Variants in NHSL1 observed in about 807,000 individuals in gnomAD.
The protein encoded by NHSL1 is NHS-like protein 1.
NHSL1 carries 48 observed loss-of-function variants against 95.0 expected under a neutral mutation model. That is an observed-to-expected ratio of 0.51 (90% CI 0.40 to 0.64). The LOEUF (loss-of-function observed/expected upper bound fraction) is 0.64. NHSL1 is among the 30% of genes least tolerant of loss of function. The pLI is 0.00. For missense variants in NHSL1, 1,971 were observed against 2,077.7 expected (o/e 0.95, Z 1.00); for synonymous variants, 783 against 833.9 (o/e 0.94, Z 1.05).
At chr6:138,633,909 C>A (rs1325378888) in intron 1 of NHSL1, among the ~76,000 whole-genome samples, 1 of 152,028 alleles carries the variant, frequency 6.6e-6, no homozygotes. Context: ...TAAATAGAAA[C>A]AACAAACAGT....
intron 1 of NHSL1, chr6:138,650,601 T>G: frequency 1.7e-6 from 1 of 586,156 alleles, no homozygotes; most frequent in Non-Finnish European, 3.4e-6. Flanking sequence ...CCCTTCCTCT[T>G]TGAAAAGCTT....
rs971439518 is a variant in NHSL1, at chr6:138,657,610, G to A, written c.96+34866C>T. Among the ~76,000 whole-genome samples the A allele has an allele frequency of 2.0e-5, 3 of 151,800 alleles. No homozygotes were observed. The East Asian group carries it at 5.8e-4, about 29-fold the overall frequency. On this transcript the variant is annotated intron_variant, in intron 1 of 3. Coordinates refer to the NHSL1 transcript ENST00000491526. Reference sequence around the variant, plus strand: ...AGGCGGATCACGAGGTCAGGAGATCGAGACCATCCTGGCTAACACGGTGAA... The same window carrying A: ...AGGCGGATCACGAGGTCAGGAGATCAAGACCATCCTGGCTAACACGGTGAA...
chr6:138,556,797 A>G (rs1350856267), intron 1 of NHSL1, among the ~76,000 whole-genome samples: 1 of 152,142 alleles, frequency 6.6e-6, no homozygotes, highest in Non-Finnish European at 1.5e-5. Context: ...AAGTGGTTTT[A>G]AATAATTGAA....
intron 4 of NHSL1, among the ~76,000 whole-genome samples, chr6:138,444,056 G>C (rs1030223066): frequency 1.3e-5 from 2 of 152,128 alleles, no homozygotes; most frequent in African/African-American, 2.4e-5. Flanking sequence ...TGTGATGCAT[G>C]TACTTTAGCA....
rs202084783 is a variant in NHSL1 at position 138,611,782 on chromosome 6, CT to C, written c.96+80693del. ...AAAAATAAAAATAAAAAAATAAAGG[CT>C]GCCTAAAGACCTAGAAATAAATGCG... On this transcript the variant is annotated intron_variant, in intron 1 of 3. Transcript: ENST00000491526. Among the ~76,000 whole-genome samples, 1,490 of 151,266 alleles carry C rather than the reference CT, an allele frequency of 9.9e-3. 27 individuals carry two copies. Among genetic ancestry groups the C allele is most frequent in the African/African-American group, 0.033 (1,377 of 41,236 alleles).
At chr6:138,677,220 A>C (rs1362995796) in intron 1 of NHSL1, among the ~76,000 whole-genome samples, 1 of 152,188 alleles carries the variant, frequency 6.6e-6, no homozygotes, top group Non-Finnish European at 1.5e-5. Flanking sequence ...TGTCTGCCTC[A>C]AGTTTTCCTA....
At chr6:138,594,413 A>G (rs533552426) in intron 1 of NHSL1, among the ~76,000 whole-genome samples, 6 of 152,232 alleles carry the variant, frequency 3.9e-5, no homozygotes, top group African/African-American at 1.2e-4. Context: ...CCCCGGCTCT[A>G]AGCAAAAACA....
rs545131536 is a variant in NHSL1, at chr6:138,489,777, A to G, written c.211+6442T>C. Among the ~76,000 whole-genome samples, 118 of 142,322 alleles carry G rather than the reference A, an allele frequency of 8.3e-4. 1 individual carries two copies. Among genetic ancestry groups the G allele is most frequent in the African/African-American group, 2.8e-3 (108 of 38,184 alleles). 93.4% of individuals were successfully genotyped at this position (142,322 alleles called of 152,430 possible). A position where few individuals can be genotyped will look rare whatever the true frequency, so the allele number is the denominator to read the frequency against. On this transcript the variant is annotated intron_variant, in intron 2 of 7. Transcript: ENST00000343505. ...ACCCTGTCTCAAAAAAAAAAAAAAAAAGAGAGAAAGAAAGAAAGAAAGAAG... is the reference window on the plus strand; with the variant it reads ...ACCCTGTCTCAAAAAAAAAAAAAAAGAGAGAGAAAGAAAGAAAGAAAGAAG...
At chr6:138,445,781 A>G (rs564862125) in intron 4 of NHSL1, among the ~76,000 whole-genome samples, 70 of 152,216 alleles carry the variant, frequency 4.6e-4, no homozygotes, top group Non-Finnish European at 8.8e-4. Context: ...GGGTTTCCAG[A>G]GTAAATGTTC....
chr6:138,449,592 G>A lies in NHSL1; in HGVS notation c.340-2399C>T, dbSNP rs548170067. On this transcript the variant is annotated intron_variant, in intron 3 of 7. Transcript: ENST00000343505. ...CTCGGGAGGTTAAGGCAGGAGAATC[G>A]CTTGAACTCGGGAGGCTGAGGCTGC... Among the ~76,000 whole-genome samples, 191 of 152,032 alleles carry A rather than the reference G, an allele frequency of 1.3e-3. 1 individual carries two copies. The highest frequency in any genetic ancestry group is 4.5e-3 in the African/African-American group (185 of 41,464).
chr6:138,496,999 T>C (rs1174865366), intron 1 of NHSL1, among the ~76,000 whole-genome samples: 1 of 152,190 alleles, frequency 6.6e-6, no homozygotes, highest in African/African-American at 2.4e-5. Context: ...CCCTTTTATA[T>C]TAAACATTTT....
intron 1 of NHSL1, among the ~76,000 whole-genome samples, chr6:138,677,800 T>G (rs1408569865): frequency 1.3e-5 from 2 of 152,172 alleles, no homozygotes; most frequent in African/African-American, 4.8e-5. Context: ...TTAGGTCACG[T>G]CTGCTGGGCC....
At chr6:138,617,295 C>T (rs1424574591) in intron 1 of NHSL1, among the ~76,000 whole-genome samples, 1 of 152,108 alleles carries the variant, frequency 6.6e-6, no homozygotes, top group Non-Finnish European at 1.5e-5. Flanking sequence ...TGGGAAGGGA[C>T]ACAGGTAACA....
intron 1 of NHSL1, among the ~76,000 whole-genome samples, chr6:138,673,031 G>A (rs117582610): frequency 1.6e-4 from 24 of 148,058 alleles, no homozygotes; most frequent in East Asian, 6.0e-4. Flanking sequence ...AGATAGATAG[G>A]TAGATAGATA....
intron 1 of NHSL1, among the ~76,000 whole-genome samples, chr6:138,570,954 A>C (rs147098195): frequency 1.4e-4 from 21 of 152,372 alleles, no homozygotes; most frequent in Admixed American, 7.2e-4. Context: ...ACACACTAAG[A>C]GGAAGAATTC....
At chr6:138,646,438 A>G (rs1583464459) in intron 1 of NHSL1, among the ~76,000 whole-genome samples, 2 of 152,200 alleles carry the variant, frequency 1.3e-5, no homozygotes, top group Admixed American at 1.3e-4. Flanking sequence ...AGGTTGCATA[A>G]GCCCCTGCAG....
At chr6:138,628,311 C>CAA (rs929458331) in intron 1 of NHSL1, among the ~76,000 whole-genome samples, 1 of 111,538 alleles carries the variant, frequency 9.0e-6, no homozygotes. Context: ...AACTCCATCT[C>CAA]AAAAAAAAAA....
At chr6:138,571,737 A>T in exon 1 of NHSL1, 1 of 1,552,260 alleles carries the variant, frequency 6.4e-7, no homozygotes, top group Non-Finnish European at 8.7e-7. Flanking sequence ...CTGTATATCC[A>T]GTTTTCGTCA....
At chr6:138,522,236 G>A (rs1179933807) in intron 1 of NHSL1, among the ~76,000 whole-genome samples, 1 of 152,208 alleles carries the variant, frequency 6.6e-6, no homozygotes, top group Admixed American at 6.5e-5. Context: ...GGCCCCTGAA[G>A]GACATGTGAA....
Sources: gnomAD v4.1 joint callset for allele counts (sites outside exome capture counted in the v4.1 genomes callset) on GRCh38, gnomAD v4.1.1 for gene constraint, MANE v1.5 for transcripts, NCBI Gene and HGNC (gene_info 2026-07-23, HGNC 2026-07-21) for gene names.